Variants in SHOX2 observed in about 807,000 individuals in gnomAD.
SHOX2 encodes SHOX homeobox 2, also known as short stature homeobox protein 2.
Under a neutral mutation model 31.3 loss-of-function variants are expected in SHOX2, and 13 were observed. The observed-to-expected ratio is 0.42, with a 90% CI of 0.27 to 0.66. SHOX2 has a LOEUF of 0.66. Among genes scored for constraint, SHOX2 ranks in the 30% least tolerant of loss-of-function variants. The probability of loss-of-function intolerance (pLI) is 0.27; values close to 1 mark genes in which losing one functional copy is unlikely to be tolerated. For synonymous variants in SHOX2, 244 were observed against 196.2 expected, an observed-to-expected ratio of 1.24 and a Z score of -2.04; for missense variants, 473 against 443.0, an observed-to-expected ratio of 1.07 and a Z score of -0.61.
At chr3:158,098,359 G>A in intron 4 of SHOX2, 75 bp from the exon 5 acceptor site, 1 of 1,550,170 alleles carries the variant, frequency 6.5e-7, no homozygotes, top group Non-Finnish European at 8.8e-7. Context: ...CATTAACGGC[G>A]TCCAGCTTGG....
Position 158,106,299 on chromosome 3 carries a change from G to T in SHOX2, c.-275C>A. ...TGAAGAGGAGAGGGAGGAGGAGGAGGAGAAGAGAAGGGGCGGGGGCTGCCG... is the reference window on the plus strand; with the variant it reads ...TGAAGAGGAGAGGGAGGAGGAGGAGTAGAAGAGAAGGGGCGGGGGCTGCCG... On this transcript the variant is annotated 5_prime_UTR_variant, in exon 1 of 5. Transcript: ENST00000483851. 2.2e-6 allele frequency: 1 copy of T among 451,422 alleles called. No homozygotes were observed. Among genetic ancestry groups the T allele is most frequent in the Non-Finnish European group, 3.9e-6 (1 of 257,754 alleles). The allele number at this position is 451,422 out of a possible 1,614,324, so 28.0% of individuals were successfully genotyped here. A position where few individuals can be genotyped will look rare whatever the true frequency, so the allele number is the denominator to read the frequency against.
Position 158,096,595 on chromosome 3 carries a change from A to C in SHOX2, c.*1432T>G, listed in dbSNP as rs947358991. ...GCCTGTATCTAGCTGGGTGTTATTT[A>C]AGGTGAATTTGACGGGATAGAGAGG... is the stretch of plus-strand genomic sequence containing the variant. On this transcript the variant is annotated 3_prime_UTR_variant, in exon 5 of 5. Coordinates refer to ENST00000483851, the MANE Select transcript of SHOX2 (RefSeq NM_001163678.2). The C allele has an allele frequency of 6.6e-6, 1 of 152,486 alleles. No homozygotes were observed. Among genetic ancestry groups the C allele is most frequent in the East Asian group, 1.9e-4 (1 of 5,188 alleles). The allele number at this position is 152,486 out of a possible 1,614,324, so 9.4% of individuals were successfully genotyped here. A position where few individuals can be genotyped will look rare whatever the true frequency, so the allele number is the denominator to read the frequency against.
intron 3 of SHOX2, 111 bp downstream of exon 3, chr3:158,100,143 C>G: frequency 9.9e-7 from 1 of 1,014,064 alleles, no homozygotes; most frequent in Admixed American, 2.5e-5. Flanking sequence ...ATTATTAAGT[C>G]AAGAACTATT....
intron 2 of SHOX2, among the ~76,000 whole-genome samples, chr3:158,101,556 A>C (rs1222341554): frequency 6.6e-6 from 1 of 151,352 alleles, no homozygotes; most frequent in African/African-American, 2.4e-5. Flanking sequence ...AAGGCAGCCT[A>C]TTATTACTTT....
At position 158,096,889 on chromosome 3, in the gene SHOX2, AATATATATATAT is replaced by A. The variant is rs769658802; in HGVS notation, c.*1126_*1137del. The A allele has an allele frequency of 0.013, 290 of 23,100 alleles. 21 individuals are homozygous for A. The highest frequency in any genetic ancestry group is 0.098 in the South Asian group (78 of 792). The allele number at this position is 23,100 out of a possible 1,614,324, so 1.4% of individuals were successfully genotyped here. On this transcript the variant is annotated 3_prime_UTR_variant, in exon 5 of 5. Transcript: ENST00000483851. ...GTTCCCCAGGATCAAAGACAGGGCA[AATATATATATAT>A]ATATATATATATATATATATATATA...
intron 1 of SHOX2, chr3:158,104,126 T>C (rs1327737719): frequency 1.3e-5 from 2 of 152,276 alleles, no homozygotes. Context: ...TTAAAAATCA[T>C]TTCCGGAAGA....
At chr3:158,102,575 C>A in intron 2 of SHOX2, 103 bp downstream of exon 2, 1 of 901,374 alleles carries the variant, frequency 1.1e-6, no homozygotes, top group South Asian at 1.4e-5. Flanking sequence ...TCATCTTACA[C>A]CAGACACTAG....
At chr3:158,105,175 AG>A (rs1218128810) in intron 1 of SHOX2, 7 of 1,238,570 alleles carry the variant, frequency 5.7e-6, no homozygotes. Flanking sequence ...CCAAAGATTC[AG>A]GGGCTCTGCG....
intron 1 of SHOX2, chr3:158,105,162 G>C: frequency 7.4e-7 from 1 of 1,352,526 alleles, no homozygotes; most frequent in Non-Finnish European, 1.0e-6. Context: ...TGGCCCCTAA[G>C]ATCCAAAGAT....
At position 158,097,018 on chromosome 3, in the gene SHOX2, G is replaced by A. The variant is rs1430115339; in HGVS notation, c.*1009C>T. The stretch of plus-strand genomic sequence containing the variant: ...TGTTTTTCATAGTGAAGATGAAAAT[G>A]GAGTGAGTGCATGGGAGATAAGGGG... On this transcript the variant is annotated 3_prime_UTR_variant, in exon 5 of 5. Transcript: ENST00000483851. The A allele has an allele frequency of 6.8e-6, 1 of 147,406 alleles. No homozygotes were observed. Among genetic ancestry groups the A allele is most frequent in the Non-Finnish European group, 1.5e-5 (1 of 67,236 alleles). The allele number at this position is 147,406 out of a possible 1,614,324, so 9.1% of individuals were successfully genotyped here. A position where few individuals can be genotyped will look rare whatever the true frequency, so the allele number is the denominator to read the frequency against.
chr3:158,096,930 A>ATATATATATATATATATG lies in SHOX2; in HGVS notation c.*1096_*1097insCATATATATATATATATA, dbSNP rs67436323. The ATATATATATATATATATG allele has an allele frequency of 2.5e-4, 26 of 102,170 alleles. 2 individuals carry two copies. Among genetic ancestry groups the ATATATATATATATATATG allele is most frequent in the East Asian group, 9.1e-4 (2 of 2,204 alleles). The allele number at this position is 102,170 out of a possible 1,614,324, so 6.3% of individuals were successfully genotyped here. Reference sequence around the variant, plus strand: ...TATATATATATATATATATATATATATGGCAAATATATGATATATATATAT... The same window carrying ATATATATATATATATATG: ...TATATATATATATATATATATATATATATATATATATATATATGTGGCAAATATATGATATATATATAT... On this transcript the variant is annotated 3_prime_UTR_variant, in exon 5 of 5. Coordinates refer to ENST00000483851, the MANE Select transcript of SHOX2 (RefSeq NM_001163678.2).
At position 158,097,907 on chromosome 3, in the gene SHOX2, T is replaced by G; in HGVS notation, c.*120A>C. 7.8e-7 allele frequency: 1 copy of G among 1,277,610 alleles called. No individual in the cohort carries two copies. Among genetic ancestry groups the G allele is most frequent in the South Asian group, 1.4e-5 (1 of 69,826 alleles). 79.1% of individuals were successfully genotyped at this position (1,277,610 alleles called of 1,614,324 possible). On this transcript the variant is annotated 3_prime_UTR_variant, in exon 5 of 5. Coordinates refer to ENST00000483851, the MANE Select transcript of SHOX2 (RefSeq NM_001163678.2). ...GCGATAGGGGACGAGGGATGGTCAG[T>G]GAGGCGGGAAGAGGGCCGGCTCCCG...
chr3:158,104,618 C>A (rs1047257815), intron 1 of SHOX2, among the ~76,000 whole-genome samples: 2 of 152,226 alleles, frequency 1.3e-5, no homozygotes, highest in Non-Finnish European at 2.9e-5. Flanking sequence ...GTCATCTACA[C>A]AGTGGATGCC....
At chr3:158,098,539 C>G (rs986953083) in intron 4 of SHOX2, among the ~76,000 whole-genome samples, 3 of 152,184 alleles carry the variant, frequency 2.0e-5, no homozygotes, top group African/African-American at 7.2e-5. Flanking sequence ...TTCCCCGGAC[C>G]CCGGGAACCC....
In SHOX2 at chr3:158,098,169, G is replaced by C. The variant is rs760931470; in HGVS notation, c.818C>G (p.Pro273Arg). Residue 273 changes from proline (P) to arginine (R), a missense_variant, in exon 5 of 5, where the codon CCG (proline) becomes CGG (arginine). Pro to Arg is a moderately radical substitution (Grantham distance 103). This residue lies in a region of SHOX2 where 182 missense variants were observed against 167.2 expected (regional missense o/e 1.09). Transcript: ENST00000483851. ...CGAATCCGCGGCCAGCGTGGCGAGC[G>C]GCAGTCCGAAGGGCGGTGCTGGGAA... ...MMFPAPPFGL[P>R]LATLAADSAS... is the part of the protein sequence containing the mutation. The C allele has an allele frequency of 6.2e-6, 10 of 1,613,350 alleles. No individual in the cohort carries two copies. In the Admixed American group the frequency reaches 6.7e-5, roughly 11 times the overall value.
rs752358750 is a variant in SHOX2 at position 158,105,740 on chromosome 3, C to T, written c.285G>A (p.Arg95=). The change falls in exon 1 of 5, where the codon CGG becomes CGA. Residue 95 remains arginine, a synonymous_variant. Transcript: ENST00000483851. ...TCTCGGCGGCGCCCATGTCCAGCTC[C>T]CGGACGGGAGAGCGCCCTCCTCCAG... The part of the protein sequence containing the change: ...GGAGGGRSPV[R]ELDMGAAERS... The T allele has an allele frequency of 5.2e-6, 8 of 1,524,216 alleles. No individual in the cohort carries two copies. The highest frequency in any genetic ancestry group is 7.0e-6 in the Non-Finnish European group (8 of 1,136,876). 94.4% of individuals were successfully genotyped at this position (1,524,216 alleles called of 1,614,324 possible).
chr3:158,101,900 C>A (rs1449631787), intron 2 of SHOX2, among the ~76,000 whole-genome samples: 1 of 152,134 alleles, frequency 6.6e-6, no homozygotes, highest in African/African-American at 2.4e-5. Context: ...CCCCCAAAGC[C>A]TATTTTTGCT....
At position 158,097,931 on chromosome 3, in the gene SHOX2, C is replaced by T. The variant is rs943484431; in HGVS notation, c.*96G>A. The T allele has an allele frequency of 4.1e-6, 6 of 1,457,502 alleles. No homozygotes were observed. In the African/African-American group the frequency reaches 5.7e-5, roughly 14 times the overall value. The allele number at this position is 1,457,502 out of a possible 1,614,324, so 90.3% of individuals were successfully genotyped here. ...GTGAGGCGGGAAGAGGGCCGGCTCC[C>T]GAGGTCTCAAAGGGGTAACGGAGAA... is the stretch of plus-strand genomic sequence containing the variant. On this transcript the variant is annotated 3_prime_UTR_variant, in exon 5 of 5. Coordinates refer to ENST00000483851, the MANE Select transcript of SHOX2 (RefSeq NM_001163678.2).
chr3:158,103,012 AAT>A, intron 1 of SHOX2, 126 bp from the exon 2 acceptor site: 1 of 899,422 alleles, frequency 1.1e-6, no homozygotes, highest in Non-Finnish European at 1.8e-6. Flanking sequence ...AAGAATAGAG[AAT>A]CCTTCCCCCT....
Sources: allele counts gnomAD v4.1 joint callset (sites outside exome capture counted in the v4.1 genomes callset), GRCh38; gene constraint gnomAD v4.1.1; regional missense constraint gnomAD v4.1.1; transcripts MANE v1.5; gene names NCBI Gene and HGNC (gene_info 2026-07-23, HGNC 2026-07-21).